TIMP2: variants seen among roughly 807,000 people sequenced by gnomAD.
TIMP2 encodes the protein TIMP metallopeptidase inhibitor 2.
TIMP2 carries 5 observed loss-of-function variants against 24.3 expected under a neutral mutation model. The observed-to-expected ratio is 0.21, with a 90% CI of 0.11 to 0.43. The LOEUF is 0.43. TIMP2 is among the 20% of genes least tolerant of loss of function. The pLI, the probability that TIMP2 is intolerant of heterozygous loss-of-function variation, is 1.00. For missense variants in TIMP2, 221 were observed against 297.5 expected, an observed-to-expected ratio of 0.74 and a Z score of 1.89; for synonymous variants, 130 against 123.2, an observed-to-expected ratio of 1.06 and a Z score of -0.37.
At chr17:78,879,366 G>A (rs913533045) in intron 1 of TIMP2, among the ~76,000 whole-genome samples, 5 of 152,238 alleles carry the variant, frequency 3.3e-5, no homozygotes, top group Non-Finnish European at 5.9e-5. Context: ...AAAAGAGGGA[G>A]GGCCTCTCCG....
intron 1 of TIMP2, among the ~76,000 whole-genome samples, chr17:78,895,177 A>T (rs2069979436): frequency 6.6e-6 from 1 of 152,170 alleles, no homozygotes; most frequent in African/African-American, 2.4e-5. Flanking sequence ...GCTACTCGGG[A>T]AGCTAAGGCA....
chr17:78,921,718 A>G (rs923765174), intron 1 of TIMP2, among the ~76,000 whole-genome samples: 2 of 152,216 alleles, frequency 1.3e-5, no homozygotes, highest in Admixed American at 1.3e-4. Flanking sequence ...CTTGCTGGAA[A>G]GGACAAGGAC....
chr17:78,922,106 C>T (rs1599180672), intron 1 of TIMP2: 1 of 152,228 alleles, frequency 6.6e-6, no homozygotes, highest in Admixed American at 6.5e-5. Flanking sequence ...GAGCAAGACC[C>T]TCTGTATCTG....
chr17:78,899,864 A>C (rs1162252936), intron 1 of TIMP2: 1 of 152,144 alleles, frequency 6.6e-6, no homozygotes, highest in East Asian at 1.9e-4. Flanking sequence ...GAAGCCCAGC[A>C]CCCGGGCCAC....
At chr17:78,893,814 A>C (rs58742579) in intron 1 of TIMP2, among the ~76,000 whole-genome samples, 6 of 152,082 alleles carry the variant, frequency 3.9e-5, no homozygotes, top group Non-Finnish European at 7.4e-5. Flanking sequence ...GGCATCAGGA[A>C]GGGACCCATG....
At chr17:78,918,020 C>T (rs115124964) in intron 1 of TIMP2, among the ~76,000 whole-genome samples, 4,450 of 151,600 alleles carry the variant, frequency 0.029, 221 homozygotes, top group African/African-American at 0.1. Context: ...GAGAAGTTGG[C>T]GGCTGCCACT....
chr17:78,924,912 C>A lies in TIMP2; in HGVS notation c.130+47G>T. The A allele has an allele frequency of 9.8e-7, 1 of 1,022,516 alleles. No individual in the cohort carries two copies. The allele number at this position is 1,022,516 out of a possible 1,614,324, so 63.3% of individuals were successfully genotyped here. A position where few individuals can be genotyped will look rare whatever the true frequency, so the allele number is the denominator to read the frequency against. On this transcript the variant is annotated intron_variant, in intron 1 of 4. Transcript: ENST00000262768. This position sits in a 1 kb window ranked among gnomAD's most constrained non-coding sequence, Gnocchi z 5.3. ...GGGCGTCTGCGAACCCTCGGGGTCG[C>A]GGGGGAGGTGGGGCCCCGCGCGGGG... is the stretch of plus-strand genomic sequence containing the variant.
intron 1 of TIMP2, among the ~76,000 whole-genome samples, chr17:78,906,305 C>A (rs2070158023): frequency 1.3e-5 from 2 of 152,130 alleles, no homozygotes; most frequent in Admixed American, 1.3e-4. Context: ...AAGTTCGAGG[C>A]TGCAGTGAGC....
At chr17:78,921,426 G>A (rs1008200606) in intron 1 of TIMP2, among the ~76,000 whole-genome samples, 1 of 152,230 alleles carries the variant, frequency 6.6e-6, no homozygotes, top group Non-Finnish European at 1.5e-5. Flanking sequence ...CAAGCCAGAG[G>A]AGAGGTTTTA....
At chr17:78,892,673 G>A (rs1244414403) in intron 1 of TIMP2, among the ~76,000 whole-genome samples, 1 of 152,238 alleles carries the variant, frequency 6.6e-6, no homozygotes, top group African/African-American at 2.4e-5. Flanking sequence ...CAGCTGTTTT[G>A]AACAGAGTGT....
intron 3 of TIMP2, among the ~76,000 whole-genome samples, chr17:78,868,099 T>C (rs2145751724): frequency 6.6e-6 from 1 of 152,268 alleles, no homozygotes; most frequent in East Asian, 1.9e-4. Context: ...ACACATTGAT[T>C]TTTAGAAGGG....
intron 1 of TIMP2, among the ~76,000 whole-genome samples, chr17:78,893,849 G>C (rs928927489): frequency 2.6e-5 from 4 of 152,108 alleles, no homozygotes; most frequent in African/African-American, 9.7e-5. Flanking sequence ...CCTAGGAAAG[G>C]AGGGGCATTT....
At chr17:78,858,094 AAAAG>A (rs918442893) in intron 3 of TIMP2, among the ~76,000 whole-genome samples, 20 of 151,602 alleles carry the variant, frequency 1.3e-4, no homozygotes, top group African/African-American at 4.6e-4. Flanking sequence ...AGTGGAAAAA[AAAAG>A]AAAGCCATAA....
intron 3 of TIMP2, among the ~76,000 whole-genome samples, chr17:78,863,243 A>G (rs2069581577): frequency 6.6e-6 from 1 of 151,782 alleles, no homozygotes; most frequent in Non-Finnish European, 1.5e-5. Context: ...TTTATTTTTT[A>G]TTTATTTTTT....
intron 1 of TIMP2, among the ~76,000 whole-genome samples, chr17:78,915,513 CTCT>C (rs890119648): frequency 3.2e-5 from 4 of 123,714 alleles, no homozygotes; most frequent in African/African-American, 1.3e-4. Context: ...CCGTCTCTCT[CTCT>C]TTTTTTCTTC....
chr17:78,884,992 G>C (rs539851918), intron 1 of TIMP2, among the ~76,000 whole-genome samples: 80 of 152,344 alleles, frequency 5.3e-4, no homozygotes, highest in Non-Finnish European at 1.0e-3. Context: ...AGCAGGTTGG[G>C]GGGGAGCAGG....
In TIMP2 at chr17:78,875,034, C is replaced by A. The variant is rs144010972; in HGVS notation, c.131-1115G>T. On this transcript the variant is annotated intron_variant, in intron 1 of 4. Coordinates refer to ENST00000262768, the MANE Select transcript of TIMP2 (RefSeq NM_003255.5). ...GGGATTATAGGCATGAGCTACAGTG[C>A]CCAACCTTAATTTTTGTATTTTTAG... 7.2e-3 allele frequency among the ~76,000 whole-genome samples: 1,097 copies of A among 152,266 alleles called. 5 individuals are homozygous for A. Among genetic ancestry groups the A allele is most frequent in the Non-Finnish European group, 0.013 (866 of 68,032 alleles).
At chr17:78,902,095 G>A (rs1007927568) in intron 1 of TIMP2, among the ~76,000 whole-genome samples, 15 of 152,156 alleles carry the variant, frequency 9.9e-5, no homozygotes, top group Non-Finnish European at 1.9e-4. Context: ...CAGTGGTGGC[G>A]GGGGGACGGG....
At chr17:78,864,255 T>C (rs2069590135) in intron 3 of TIMP2, among the ~76,000 whole-genome samples, 2 of 148,850 alleles carry the variant, frequency 1.3e-5, no homozygotes, top group Non-Finnish European at 1.5e-5. Context: ...TCATCTCTTC[T>C]TTCCTTCCTT....
Sources: gnomAD v4.1 joint callset for allele counts (sites outside exome capture counted in the v4.1 genomes callset) on GRCh38, gnomAD v4.1.1 for gene constraint, Gnocchi (gnomAD v3.1) non-coding constraint, MANE v1.5 for transcripts, NCBI Gene and HGNC (gene_info 2026-07-23, HGNC 2026-07-21) for gene names.